Variants in COX15 observed in about 807,000 individuals in gnomAD.
COX15 encodes the protein heme A synthase COX15.
A neutral mutation model predicts 51.9 loss-of-function variants in COX15; 51 were observed. The ratio of observed to expected loss-of-function variants is 0.98; its 90% CI spans 0.78 to 1.24. The LOEUF is 1.24. Among genes scored for constraint, COX15 ranks in the 50% most tolerant of loss-of-function variants. The pLI is 0.00. For missense variants in COX15, 420 were observed against 501.1 expected (o/e 0.84, Z 1.55); for synonymous variants, 188 against 190.5 (o/e 0.99, Z 0.11).
the COX15 span, among the ~76,000 whole-genome samples, chr10:99,694,885 CA>C: frequency 6.6e-6 from 1 of 152,060 alleles, no homozygotes; most frequent in Non-Finnish European, 1.5e-5. Context: ...TTGCAGGGCA[CA>C]ATGGTATTTT....
chr10:99,699,011 G>A, the COX15 span, among the ~76,000 whole-genome samples: 1 of 152,332 alleles, frequency 6.6e-6, no homozygotes, highest in Non-Finnish European at 1.5e-5. Flanking sequence ...AGATGAGGAA[G>A]TGGACAGAGA....
chr10:99,704,506 C>A, the COX15 span: 23 of 1,614,080 alleles, frequency 1.4e-5, no homozygotes, highest in Non-Finnish European at 1.9e-5. Flanking sequence ...TCCGTCTCTC[C>A]TTTGTATACA....
At chr10:99,719,405 G>C (rs900189795) in intron 6 of COX15, among the ~76,000 whole-genome samples, 1 of 152,090 alleles carries the variant, frequency 6.6e-6, no homozygotes, top group Non-Finnish European at 1.5e-5. Flanking sequence ...CGTTGACCAG[G>C]CTGGTCTCGA....
chr10:99,715,746 C>A (rs752812327), intron 8 of COX15, among the ~76,000 whole-genome samples: 10 of 151,856 alleles, frequency 6.6e-5, no homozygotes, highest in Admixed American at 2.0e-4. Flanking sequence ...ATGCCCATGG[C>A]AATACCTGAT....
chr10:99,720,450 A>T (rs1807223374), intron 6 of COX15, among the ~76,000 whole-genome samples: 1 of 152,178 alleles, frequency 6.6e-6, no homozygotes, highest in African/African-American at 2.4e-5. Context: ...AGTCTCAAAA[A>T]AAAGAATGAA....
chr10:99,729,800 C>A, intron 1 of COX15, 66 bp from the exon 2 acceptor site: 1 of 1,526,884 alleles, frequency 6.5e-7, no homozygotes, highest in South Asian at 1.1e-5. Flanking sequence ...ACACTCAACC[C>A]CATTCTGATT....
At chr10:99,702,580 A>G in the COX15 span, 1 of 1,613,334 alleles carries the variant, frequency 6.2e-7, no homozygotes, top group Non-Finnish European at 8.5e-7. Flanking sequence ...CCCTATGACT[A>G]CCCAAACCTG....
the COX15 span, among the ~76,000 whole-genome samples, chr10:99,699,469 C>G: frequency 6.6e-6 from 1 of 152,152 alleles, no homozygotes; most frequent in Non-Finnish European, 1.5e-5. Flanking sequence ...GTTTAGCCAG[C>G]TTTCTATCAT....
At chr10:99,716,790 A>C (rs1020916818) in intron 7 of COX15, 2 of 309,082 alleles carry the variant, frequency 6.5e-6, no homozygotes, top group South Asian at 5.9e-5. Context: ...ATCCCTAACC[A>C]TATCTCTAAT....
Position 99,713,994 on chromosome 10 carries a change from C to G in COX15, c.*593G>C. The stretch of plus-strand genomic sequence containing the variant: ...CTCAAAAAAAAAAAAAAAAATGGAA[C>G]TATTTGGCGATTACCTCCTTTTCCA... On this transcript the variant is annotated 3_prime_UTR_variant, in exon 9 of 9. Transcript: ENST00000016171. The G allele has an allele frequency of 1.0e-6, 1 of 978,444 alleles. No homozygotes were observed. The highest frequency in any genetic ancestry group is 1.2e-6 in the Non-Finnish European group (1 of 821,086). 60.6% of individuals were successfully genotyped at this position (978,444 alleles called of 1,614,324 possible). A position where few individuals can be genotyped will look rare whatever the true frequency, so the allele number is the denominator to read the frequency against.
At chr10:99,708,790 A>G (rs1365546585), downstream of COX15, 1 of 983,032 alleles carries the variant, frequency 1.0e-6, no homozygotes, top group Non-Finnish European at 1.2e-6. Flanking sequence ...GAGCAGTTGT[A>G]ATATGTGCAA....
At chr10:99,704,877 G>A in the COX15 span, 1 of 612,026 alleles carries the variant, frequency 1.6e-6, no homozygotes, top group East Asian at 2.8e-5. Context: ...AATTTAATCT[G>A]TGAGGAACTA....
Position 99,711,249 on chromosome 10 carries a change from A to G in COX15, c.*3338T>C. ...AAACATCTGAAACCTTAACTTACTCATGAGTTGCTACTTCCTTGGAGGCAA... is the reference window on the plus strand; with the variant it reads ...AAACATCTGAAACCTTAACTTACTCGTGAGTTGCTACTTCCTTGGAGGCAA... On this transcript the variant is annotated 3_prime_UTR_variant, in exon 9 of 9. Transcript: ENST00000016171. The G allele has an allele frequency of 3.0e-6, 3 of 985,328 alleles. No homozygotes were observed. Among genetic ancestry groups the G allele is most frequent in the Non-Finnish European group, 3.6e-6 (3 of 829,868 alleles). The allele number at this position is 985,328 out of a possible 1,614,324, so 61.0% of individuals were successfully genotyped here.
intron 1 of COX15, 21 bp downstream of exon 1, chr10:99,731,939 G>C (rs761321281): frequency 3.1e-6 from 5 of 1,600,154 alleles, no homozygotes; most frequent in Non-Finnish European, 4.3e-6. Flanking sequence ...CCGCGACTCG[G>C]AGTCCGCTGC....
chr10:99,706,982 T>C (rs774468091), downstream of COX15, among the ~76,000 whole-genome samples: 43 of 152,340 alleles, frequency 2.8e-4, no homozygotes, highest in Non-Finnish European at 3.8e-4. Context: ...CTTATTAGTA[T>C]TCTTCATCCT....
Position 99,721,043 on chromosome 10 carries a change from T to G in COX15, c.776A>C (p.Gln259Pro). 1.2e-6 allele frequency: 2 copies of G among 1,613,538 alleles called. No homozygotes were observed. The highest frequency in any genetic ancestry group is 1.7e-6 in the Non-Finnish European group (2 of 1,179,834). Residue 259 changes from glutamine (Q) to proline (P), a missense_variant, in exon 6 of 9, where the codon CAG becomes CCG. Physicochemically the swap from Gln to Pro is moderately conservative, Grantham distance 76 (BLOSUM62 -1). Transcript: ENST00000016171. The part of the protein sequence containing the change: ...HKLPETHQLL[Q>P]LRRFAHGTAG... ...TGTTCCATGAGCAAATCGTCTCAAC[T>G]GTAGGAGTTGGTGGGTTTCAGGCAA...
rs1237142262 is a variant in COX15, at chr10:99,713,208, G to A, written c.*1379C>T. The A allele has an allele frequency of 2.2e-6, 3 of 1,386,692 alleles. No homozygotes were observed. The highest frequency in any genetic ancestry group is 3.0e-5 in the South Asian group (2 of 66,636). 85.9% of individuals were successfully genotyped at this position (1,386,692 alleles called of 1,614,324 possible). Reference sequence around the variant, plus strand: ...ATACTACTTGGTTCATATTGAACCTGAGGACAACTAAAATCCCGTCTTTTT... The same window carrying A: ...ATACTACTTGGTTCATATTGAACCTAAGGACAACTAAAATCCCGTCTTTTT... On this transcript the variant is annotated 3_prime_UTR_variant, in exon 9 of 9. Coordinates refer to ENST00000016171, the MANE Select transcript of COX15 (RefSeq NM_078470.6).
chr10:99,697,061 G>A, the COX15 span, among the ~76,000 whole-genome samples: 6 of 152,286 alleles, frequency 3.9e-5, no homozygotes, highest in Non-Finnish European at 8.8e-5. Context: ...GGTATACCCC[G>A]TTTGTAATAA....
Position 99,712,615 on chromosome 10 carries a change from C to T in COX15, c.*1972G>A. On this transcript the variant is annotated 3_prime_UTR_variant, in exon 9 of 9. Coordinates refer to ENST00000016171, the MANE Select transcript of COX15 (RefSeq NM_078470.6). ...CAAGGAAAAATAAACTTAAGATAAG[C>T]TTATTTTCCTTATTTCAAAAAGCAA... 1 of 983,478 alleles carries T rather than the reference C, an allele frequency of 1.0e-6. No homozygotes were observed. Among genetic ancestry groups the T allele is most frequent in the Non-Finnish European group, 1.2e-6 (1 of 828,198 alleles). The allele number at this position is 983,478 out of a possible 1,614,324, so 60.9% of individuals were successfully genotyped here.
Sources: gnomAD v4.1 joint callset for allele counts (sites outside exome capture counted in the v4.1 genomes callset) on GRCh38, gnomAD v4.1.1 for gene constraint, MANE v1.5 for transcripts, NCBI Gene and HGNC (gene_info 2026-07-23, HGNC 2026-07-21) for gene names.